Variants in PTPRR observed in about 807,000 individuals in gnomAD.
PTPRR encodes receptor-type tyrosine-protein phosphatase R.
A neutral mutation model predicts 77.2 loss-of-function variants in PTPRR; 38 were observed. The ratio of observed to expected loss-of-function variants is 0.49; its 90% CI spans 0.38 to 0.65. The LOEUF (loss-of-function observed/expected upper bound fraction) is 0.65. Ranked by LOEUF, PTPRR falls within the 30% of genes least tolerant of loss-of-function variation. The pLI is 0.00. For missense variants in PTPRR, 744 were observed against 799.2 expected (o/e 0.93, Z 0.83); for synonymous variants, 299 against 283.1 (o/e 1.06, Z -0.57).
intron 2 of PTPRR, among the ~76,000 whole-genome samples, chr12:70,807,742 C>T (rs540068746): frequency 6.6e-6 from 1 of 152,146 alleles, no homozygotes; most frequent in Non-Finnish European, 1.5e-5. Context: ...TATCACTTCC[C>T]CAATCAATAC....
intron 6 of PTPRR, among the ~76,000 whole-genome samples, chr12:70,735,338 C>A (rs995581551): frequency 6.6e-6 from 1 of 152,146 alleles, no homozygotes; most frequent in South Asian, 2.1e-4. Flanking sequence ...GCTGGGGAGG[C>A]CCCACAATCA....
chr12:70,672,612 C>T, intron 10 of PTPRR: 2 of 1,491,882 alleles, frequency 1.3e-6, no homozygotes, highest in Non-Finnish European at 1.8e-6. Flanking sequence ...ATGCACACAT[C>T]TTAAAGACCT....
chr12:70,763,129 T>G (rs1261291438), intron 3 of PTPRR, among the ~76,000 whole-genome samples: 2 of 149,984 alleles, frequency 1.3e-5, no homozygotes, highest in African/African-American at 2.5e-5. Flanking sequence ...GATCCAAGAC[T>G]TTTTTTCTTT....
intron 6 of PTPRR, among the ~76,000 whole-genome samples, chr12:70,726,574 G>A (rs1889444479): frequency 8.1e-6 from 1 of 122,870 alleles, no homozygotes; most frequent in African/African-American, 2.9e-5. Context: ...GGGATAGTCT[G>A]CATTTAATTT....
chr12:70,685,734 A>T (rs954095490), intron 8 of PTPRR, among the ~76,000 whole-genome samples: 12 of 152,122 alleles, frequency 7.9e-5, no homozygotes, highest in African/African-American at 2.9e-4. Context: ...AAAATAACAA[A>T]CAACATACAT....
At chr12:70,829,680 G>T (rs78245750) in intron 2 of PTPRR, among the ~76,000 whole-genome samples, 176 of 152,204 alleles carry the variant, frequency 1.2e-3, no homozygotes, top group African/African-American at 4.1e-3. Context: ...TTTTCAATTA[G>T]GGATATACCA....
chr12:70,696,316 C>T (rs1335976622), intron 8 of PTPRR, among the ~76,000 whole-genome samples: 1 of 152,086 alleles, frequency 6.6e-6, no homozygotes, highest in Non-Finnish European at 1.5e-5. Flanking sequence ...CGTTTCTAGT[C>T]TGTGACCTCC....
chr12:70,719,056 G>A (rs1465566637), intron 6 of PTPRR, among the ~76,000 whole-genome samples: 1 of 151,878 alleles, frequency 6.6e-6, no homozygotes, highest in East Asian at 1.9e-4. Flanking sequence ...ACTCCTGACC[G>A]GTTCCTGGAG....
chr12:70,706,402 C>T (rs1256107122), intron 6 of PTPRR, among the ~76,000 whole-genome samples: 2 of 151,804 alleles, frequency 1.3e-5, no homozygotes, highest in African/African-American at 2.4e-5. Flanking sequence ...TAAAATTTCC[C>T]AAAGGAAATC....
rs58734340 is a variant in PTPRR at position 70,684,172 on chromosome 12, G to A, written c.1452C>T (p.Asp484=). ...TTGTGATCATAACAATCACAGGGCT[G>A]TCTTCCTGCCAAACCATCTGCCAGA... The part of the protein sequence containing the change: ...DDFWQMVWQE[D]SPVIVMITKL... The change falls in exon 10 of 14, where the codon GAC becomes GAT. Residue 484 remains aspartate, a synonymous_variant. Coordinates refer to ENST00000283228, the MANE Select transcript of PTPRR (RefSeq NM_002849.4). 2.4e-4 allele frequency: 389 copies of A among 1,614,060 alleles called. 2 individuals carry two copies. The African/African-American group carries it at 4.4e-3, about 18-fold the overall frequency.
At chr12:70,795,941 T>TTTTA (rs1891504979) in intron 2 of PTPRR, among the ~76,000 whole-genome samples, 1 of 130,030 alleles carries the variant, frequency 7.7e-6, no homozygotes, top group African/African-American at 2.9e-5. Flanking sequence ...TTTTTTTTTT[T>TTTTA]GACACAGAGT....
intron 2 of PTPRR, among the ~76,000 whole-genome samples, chr12:70,822,864 C>T (rs563449644): frequency 1.3e-5 from 2 of 151,936 alleles, no homozygotes; most frequent in African/African-American, 2.4e-5. Flanking sequence ...TAGATTAGAG[C>T]GTAATGTTAA....
intron 2 of PTPRR, chr12:70,788,681 T>C: frequency 1.5e-6 from 1 of 687,048 alleles, no homozygotes; most frequent in African/African-American, 1.8e-5. Context: ...TTTCCCTAGA[T>C]ATCACATAAG....
chr12:70,868,920 A>G (rs912691251), intron 2 of PTPRR, among the ~76,000 whole-genome samples: 1 of 151,610 alleles, frequency 6.6e-6, no homozygotes, highest in Non-Finnish European at 1.5e-5. Context: ...CATTCTCAGC[A>G]AACTATCACA....
chr12:70,746,118 C>G, intron 5 of PTPRR, 32 bp from the exon 6 acceptor site: 1 of 1,576,086 alleles, frequency 6.3e-7, no homozygotes, highest in Non-Finnish European at 8.6e-7. Context: ...ACTCCTGTCA[C>G]ATTTTCTCAC....
intron 6 of PTPRR, among the ~76,000 whole-genome samples, chr12:70,706,136 G>A (rs954091): frequency 0.043 from 6,611 of 152,178 alleles, 521 homozygotes; most frequent in African/African-American, 0.15. Context: ...GAGTGGCATA[G>A]GCAGTTTTTG....
chr12:70,823,799 A>G (rs1287003097), intron 2 of PTPRR, among the ~76,000 whole-genome samples: 4 of 152,172 alleles, frequency 2.6e-5, no homozygotes, highest in Non-Finnish European at 5.9e-5. Flanking sequence ...AGCAGCAGCC[A>G]AGAGAGGGCC....
intron 4 of PTPRR, 133 bp downstream of exon 4, chr12:70,761,338 G>T: frequency 1.3e-6 from 1 of 796,078 alleles, no homozygotes; most frequent in Non-Finnish European, 1.9e-6. Flanking sequence ...AGAGAATTCT[G>T]ACACTCAGGG....
At chr12:70,713,353 G>A (rs541547941) in intron 6 of PTPRR, among the ~76,000 whole-genome samples, 2 of 152,028 alleles carry the variant, frequency 1.3e-5, no homozygotes, top group Admixed American at 6.6e-5. Flanking sequence ...ATTTTGCTAC[G>A]AACATTTGTG....
Sources: allele counts gnomAD v4.1 joint callset (sites outside exome capture counted in the v4.1 genomes callset), GRCh38; gene constraint gnomAD v4.1.1; transcripts MANE v1.5; gene names NCBI Gene and HGNC (gene_info 2026-07-23, HGNC 2026-07-21).